Variants in FBXL7 observed in about 807,000 individuals in gnomAD.
The protein encoded by FBXL7 is F-box and leucine rich repeat protein 7.
A neutral mutation model predicts 38.3 loss-of-function variants in FBXL7; 12 were observed. The observed-to-expected ratio is 0.31, with a 90% CI of 0.20 to 0.51. The LOEUF is 0.51. Ranked by LOEUF, FBXL7 falls within the 20% of genes least tolerant of loss-of-function variation. The pLI is 0.98. For missense variants in FBXL7, 567 were observed against 676.4 expected, an observed-to-expected ratio of 0.84 and a Z score of 1.79; for synonymous variants, 297 against 300.9, an observed-to-expected ratio of 0.99 and a Z score of 0.13.
At chr5:15,651,099 T>C (rs1361921040) in intron 2 of FBXL7, among the ~76,000 whole-genome samples, 31 of 150,696 alleles carry the variant, frequency 2.1e-4, no homozygotes, top group African/African-American at 6.8e-4. Context: ...TTTTTTTTTT[T>C]CTTTTTTTTT....
intron 2 of FBXL7, among the ~76,000 whole-genome samples, chr5:15,814,131 T>C (rs1452694424): frequency 6.6e-6 from 1 of 152,180 alleles, no homozygotes; most frequent in Non-Finnish European, 1.5e-5. Flanking sequence ...TGCACACATA[T>C]GTTTATTGCA....
chr5:15,545,389 A>G (rs1296227400), intron 1 of FBXL7, among the ~76,000 whole-genome samples: 1 of 152,212 alleles, frequency 6.6e-6, no homozygotes, highest in Non-Finnish European at 1.5e-5. Context: ...CAATGGAGTA[A>G]TGAGACTGAA....
At chr5:15,548,794 T>C (rs1737985998) in intron 1 of FBXL7, among the ~76,000 whole-genome samples, 1 of 152,228 alleles carries the variant, frequency 6.6e-6, no homozygotes, top group South Asian at 2.1e-4. Flanking sequence ...ATTCATTTAT[T>C]TGTTTGGCTC....
chr5:15,551,215 G>A (rs530425085), intron 1 of FBXL7, among the ~76,000 whole-genome samples: 1 of 152,202 alleles, frequency 6.6e-6, no homozygotes, highest in East Asian at 1.9e-4. Flanking sequence ...GTGCCCATGG[G>A]TTTGTGTTCT....
chr5:15,866,535 CT>C (rs933021339), intron 2 of FBXL7, among the ~76,000 whole-genome samples: 4 of 151,482 alleles, frequency 2.6e-5, no homozygotes, highest in Admixed American at 6.6e-5. Flanking sequence ...ATGCCCATTA[CT>C]TTTTTTTTAT....
At chr5:15,568,226 G>C (rs534386700) in intron 1 of FBXL7, among the ~76,000 whole-genome samples, 103 of 151,760 alleles carry the variant, frequency 6.8e-4, no homozygotes, top group Non-Finnish European at 1.3e-3. Context: ...GTGTAAAAGT[G>C]TTCCTATTTC....
At chr5:15,892,968 T>C (rs1351058368) in intron 2 of FBXL7, among the ~76,000 whole-genome samples, 1 of 151,902 alleles carries the variant, frequency 6.6e-6, no homozygotes, top group African/African-American at 2.4e-5. Context: ...ATACAAAAAT[T>C]AGCTGGGCGT....
At chr5:15,532,676 C>T (rs927440683) in intron 1 of FBXL7, among the ~76,000 whole-genome samples, 1 of 152,242 alleles carries the variant, frequency 6.6e-6, no homozygotes, top group East Asian at 1.9e-4. Flanking sequence ...CATCCCTCAG[C>T]ATCTGCTCTG....
At chr5:15,680,885 G>C (rs1742822798) in intron 2 of FBXL7, among the ~76,000 whole-genome samples, 1 of 152,172 alleles carries the variant, frequency 6.6e-6, no homozygotes, top group Non-Finnish European at 1.5e-5. Context: ...CCTAAATGAG[G>C]AAAGTGAAGC....
chr5:15,805,556 T>A (rs545078987), intron 2 of FBXL7, among the ~76,000 whole-genome samples: 2 of 152,256 alleles, frequency 1.3e-5, no homozygotes, highest in East Asian at 3.9e-4. Flanking sequence ...TATAATGATA[T>A]CTAATTACAA....
intron 1 of FBXL7, among the ~76,000 whole-genome samples, chr5:15,607,881 TCTTCCTTTGGGC>T (rs1740082943): frequency 6.6e-6 from 1 of 152,262 alleles, no homozygotes; most frequent in African/African-American, 2.4e-5. Context: ...TTTTCATTTG[TCTTCCTTTGGGC>T]CTTTGGCCCA....
At chr5:15,882,412 CT>C (rs930851555) in intron 2 of FBXL7, among the ~76,000 whole-genome samples, 19 of 152,108 alleles carry the variant, frequency 1.2e-4, no homozygotes, top group African/African-American at 4.6e-4. Flanking sequence ...GTCAGGCTTT[CT>C]TGTGGGACCT....
chr5:15,805,088 C>A (rs1737673587), intron 2 of FBXL7, among the ~76,000 whole-genome samples: 1 of 152,124 alleles, frequency 6.6e-6, no homozygotes. Context: ...TCATAACTGC[C>A]TTTTCTCATA....
chr5:15,507,619 A>G (rs1368429002), intron 1 of FBXL7, among the ~76,000 whole-genome samples: 1 of 152,230 alleles, frequency 6.6e-6, no homozygotes, highest in Non-Finnish European at 1.5e-5. Flanking sequence ...ATGTAATAAA[A>G]TATGTGACAG....
chr5:15,749,335 G>A (rs894777912), intron 2 of FBXL7, among the ~76,000 whole-genome samples: 18 of 151,512 alleles, frequency 1.2e-4, no homozygotes, highest in South Asian at 4.2e-4. Context: ...TGTTATAAGT[G>A]TGTATCCTCG....
At chr5:15,733,242 G>A (rs752214688) in intron 2 of FBXL7, among the ~76,000 whole-genome samples, 5 of 151,974 alleles carry the variant, frequency 3.3e-5, no homozygotes, top group African/African-American at 9.7e-5. Flanking sequence ...ACAGGCACCC[G>A]CCACCACGCC....
intron 2 of FBXL7, among the ~76,000 whole-genome samples, chr5:15,718,879 C>T (rs1371974235): frequency 6.6e-6 from 1 of 152,202 alleles, no homozygotes; most frequent in Non-Finnish European, 1.5e-5. Context: ...TGCCAAAACC[C>T]CTTTTATTTG....
At chr5:15,696,056 C>T (rs1561089296) in intron 2 of FBXL7, among the ~76,000 whole-genome samples, 3 of 152,282 alleles carry the variant, frequency 2.0e-5, no homozygotes. Flanking sequence ...CCCTTTGCTA[C>T]TTTTTGTTAC....
chr5:15,864,789 T>C (rs114678363), intron 2 of FBXL7, among the ~76,000 whole-genome samples: 17 of 152,346 alleles, frequency 1.1e-4, no homozygotes, highest in African/African-American at 3.6e-4. Flanking sequence ...CAGTAGATTC[T>C]AATTTCTATT....
Sources: allele counts gnomAD v4.1 joint callset (sites outside exome capture counted in the v4.1 genomes callset), GRCh38; gene constraint gnomAD v4.1.1; transcripts MANE v1.5; gene names NCBI Gene and HGNC (gene_info 2026-07-23, HGNC 2026-07-21).